Variants in LARGE1 observed in about 807,000 individuals in gnomAD.
LARGE1 encodes LARGE xylosyl- and glucuronyltransferase 1.
In LARGE1, 43 loss-of-function variants were observed where a neutral mutation model predicts 87.6. The observed-to-expected ratio is 0.49, with a 90% CI of 0.38 to 0.63. LARGE1 has a LOEUF of 0.63. LARGE1 is among the 30% of genes least tolerant of loss of function. The probability of loss-of-function intolerance (pLI) is 0.00; values close to 1 mark genes in which losing one functional copy is unlikely to be tolerated. For synonymous variants in LARGE1, 434 were observed against 394.6 expected (o/e 1.10, Z -1.18); for missense variants, 802 against 1,000.2 (o/e 0.80, Z 2.67).
intron 11 of LARGE1, among the ~76,000 whole-genome samples, chr22:33,239,109 TA>T (rs201155853): frequency 0.29 from 42,549 of 144,726 alleles, 7,141 homozygotes; most frequent in African/African-American, 0.49. Context: ...ATTAGGAATG[TA>T]AAAAAAAAAA....
At chr22:33,686,453 G>A (rs1474719880) in intron 2 of LARGE1, among the ~76,000 whole-genome samples, 1 of 149,132 alleles carries the variant, frequency 6.7e-6, no homozygotes, top group Non-Finnish European at 1.5e-5. Flanking sequence ...TGAGGCAGGA[G>A]AATCGCTTGA....
chr22:33,307,890 G>C, intron 11 of LARGE1, among the ~76,000 whole-genome samples: 1 of 151,808 alleles, frequency 6.6e-6, no homozygotes, highest in East Asian at 1.9e-4. Context: ...TGTTCCCTAA[G>C]GGTCGTCCCC....
intron 11 of LARGE1, among the ~76,000 whole-genome samples, chr22:33,206,685 C>T (rs1924704291): frequency 6.6e-6 from 1 of 152,166 alleles, no homozygotes; most frequent in South Asian, 2.1e-4. Context: ...TAGGACAGTC[C>T]AATAGGTCTC....
chr22:33,376,575 A>G (rs1195647174), intron 9 of LARGE1, among the ~76,000 whole-genome samples: 2 of 152,244 alleles, frequency 1.3e-5, no homozygotes, highest in African/African-American at 4.8e-5. Flanking sequence ...AGATGTCAGA[A>G]CAAGGCTCTA....
chr22:33,416,345 C>A (rs1255506974), intron 7 of LARGE1, among the ~76,000 whole-genome samples: 1 of 152,172 alleles, frequency 6.6e-6, no homozygotes, highest in East Asian at 1.9e-4. Context: ...TGTTGAACAG[C>A]AAGCTCTGCA....
intron 11 of LARGE1, among the ~76,000 whole-genome samples, chr22:33,259,345 C>A (rs975447153): frequency 3.1e-5 from 4 of 127,928 alleles, no homozygotes; most frequent in African/African-American, 9.2e-5. Flanking sequence ...CACACACACA[C>A]ACAAACACAC....
intron 2 of LARGE1, among the ~76,000 whole-genome samples, chr22:33,688,623 T>A (rs2082009773): frequency 6.6e-6 from 1 of 152,150 alleles, no homozygotes; most frequent in Admixed American, 6.5e-5. Context: ...AGTGCTGGGA[T>A]TATAGGTGTG....
the LARGE1 span, among the ~76,000 whole-genome samples, chr22:33,125,164 T>C: frequency 1.3e-5 from 2 of 152,206 alleles, no homozygotes; most frequent in Non-Finnish European, 2.9e-5. Context: ...CGAGAGCAAC[T>C]GGAGGTGCTT....
intron 6 of LARGE1, among the ~76,000 whole-genome samples, chr22:33,482,632 C>T (rs1046613432): frequency 1.3e-5 from 2 of 152,058 alleles, no homozygotes; most frequent in African/African-American, 2.4e-5. Context: ...CATCATGGCA[C>T]GTTCTGGCCA....
intron 2 of LARGE1, among the ~76,000 whole-genome samples, chr22:33,666,956 C>G (rs1020317137): frequency 2.0e-5 from 3 of 152,196 alleles, no homozygotes; most frequent in Admixed American, 6.5e-5. Flanking sequence ...TGCTTCTCCA[C>G]GCTAATCAAG....
intron 1 of LARGE1, among the ~76,000 whole-genome samples, chr22:33,825,763 A>AGG (rs1436584747): frequency 2.0e-5 from 3 of 152,190 alleles, no homozygotes; most frequent in Non-Finnish European, 2.9e-5. Flanking sequence ...GGTGACAGAG[A>AGG]GAGGGAACGA....
intron 1 of LARGE1, among the ~76,000 whole-genome samples, chr22:33,818,510 A>G (rs888892577): frequency 6.6e-6 from 1 of 152,170 alleles, no homozygotes; most frequent in Non-Finnish European, 1.5e-5. Context: ...CTGACCTGAG[A>G]GAAAGAAGGG....
At chr22:33,090,085 A>C in the LARGE1 span, among the ~76,000 whole-genome samples, 2 of 152,210 alleles carry the variant, frequency 1.3e-5, no homozygotes, top group African/African-American at 4.8e-5. Flanking sequence ...GGGCACCTGT[A>C]ATCCCAGCTA....
chr22:33,842,250 G>A (rs1387424384), intron 1 of LARGE1, among the ~76,000 whole-genome samples: 6 of 152,186 alleles, frequency 3.9e-5, no homozygotes, highest in Non-Finnish European at 7.4e-5. Context: ...TTGCTCTGGC[G>A]ATTCGCAACT....
At chr22:33,583,702 T>C (rs1405438638) in intron 5 of LARGE1, among the ~76,000 whole-genome samples, 1 of 152,198 alleles carries the variant, frequency 6.6e-6, no homozygotes, top group East Asian at 1.9e-4. Context: ...ATTTTCCAAA[T>C]ATAAGGACAG....
chr22:33,213,113 A>T (rs1925042920), intron 11 of LARGE1, among the ~76,000 whole-genome samples: 1 of 152,104 alleles, frequency 6.6e-6, no homozygotes, highest in African/African-American at 2.4e-5. Context: ...ACCCTCAGGG[A>T]TGAATTTGAG....
chr22:33,383,939 T>G (rs1373595313), intron 8 of LARGE1, among the ~76,000 whole-genome samples: 1 of 152,168 alleles, frequency 6.6e-6, no homozygotes, highest in African/African-American at 2.4e-5. Flanking sequence ...CTGTCATCCT[T>G]TTTCTGAACT....
At chr22:33,292,851 ATTT>A (rs1224716591) in intron 12 of LARGE1, among the ~76,000 whole-genome samples, 3 of 152,134 alleles carry the variant, frequency 2.0e-5, no homozygotes, top group Non-Finnish European at 4.4e-5. Context: ...ATCATGGGCC[ATTT>A]TCTTAACACC....
chr22:33,875,511 T>G (rs553939570), intron 1 of LARGE1, among the ~76,000 whole-genome samples: 1 of 152,264 alleles, frequency 6.6e-6, no homozygotes, highest in South Asian at 2.1e-4. Context: ...CCAAGGGGAC[T>G]CCAGGCTGAG....
Sources: allele counts gnomAD v4.1 joint callset (sites outside exome capture counted in the v4.1 genomes callset), GRCh38; gene constraint gnomAD v4.1.1; transcripts MANE v1.5; gene names NCBI Gene and HGNC (gene_info 2026-07-23, HGNC 2026-07-21).